The following EFCAB11 variants were observed in gnomAD, a reference collection of about 807,000 sequenced individuals.
EFCAB11 encodes the protein EF-hand calcium-binding domain-containing protein 11.
In EFCAB11, 14 loss-of-function variants were observed where a neutral mutation model predicts 23.0. That is an observed-to-expected ratio of 0.61 (90% CI 0.40 to 0.95). EFCAB11 has a LOEUF of 0.95. Ranked by LOEUF, EFCAB11 falls within the 40% of genes least tolerant of loss-of-function variation. The pLI, the probability that EFCAB11 is intolerant of heterozygous loss-of-function variation, is 0.00. For missense variants in EFCAB11, 198 were observed against 195.8 expected (o/e 1.01, Z -0.07); for synonymous variants, 65 against 66.6 (o/e 0.98, Z 0.11).
chr14:89,838,706 A>G lies in EFCAB11; in HGVS notation c.411-41382T>C, dbSNP rs61074649. The stretch of plus-strand genomic sequence containing the variant: ...TTTGCTTCCACCAAAACCCTACAGC[A>G]ACATCATACTAAATGGTGAGACTTT... On this transcript the variant is annotated intron_variant, in intron 5 of 5. Transcript: ENST00000316738. Among the ~76,000 whole-genome samples, 20 of 152,364 alleles carry G rather than the reference A, an allele frequency of 1.3e-4. No homozygotes were observed. The East Asian group carries it at 3.1e-3, about 23-fold the overall frequency.
chr14:89,953,236 C>A (rs981422147), intron 2 of EFCAB11, among the ~76,000 whole-genome samples: 1 of 149,828 alleles, frequency 6.7e-6, no homozygotes, highest in Admixed American at 6.6e-5. Context: ...ACCTATATAA[C>A]CCCAGACAGG....
intron 5 of EFCAB11, among the ~76,000 whole-genome samples, chr14:89,879,644 G>C (rs1356528768): frequency 2.0e-5 from 3 of 152,086 alleles, no homozygotes; most frequent in Non-Finnish European, 4.4e-5. Context: ...AGAAGACTAA[G>C]AGCATACTTT....
At chr14:89,922,684 A>G (rs1266168214) in intron 5 of EFCAB11, among the ~76,000 whole-genome samples, 2 of 152,204 alleles carry the variant, frequency 1.3e-5, no homozygotes, top group Non-Finnish European at 2.9e-5. Flanking sequence ...CATCTATTCA[A>G]GACCTACAAA....
At chr14:89,942,227 A>G (rs1180651027) in intron 3 of EFCAB11, among the ~76,000 whole-genome samples, 2 of 152,170 alleles carry the variant, frequency 1.3e-5, no homozygotes, top group African/African-American at 4.8e-5. Context: ...CAGTGTGAAA[A>G]TGGACTAATA....
intron 5 of EFCAB11, among the ~76,000 whole-genome samples, chr14:89,892,751 A>C (rs1454872046): frequency 6.6e-6 from 1 of 151,996 alleles, no homozygotes; most frequent in African/African-American, 2.4e-5. Context: ...AAAATACAAA[A>C]ATTAGCCAGG....
intron 5 of EFCAB11, among the ~76,000 whole-genome samples, chr14:89,821,147 C>T (rs979650603): frequency 6.6e-6 from 1 of 152,114 alleles, no homozygotes; most frequent in African/African-American, 2.4e-5. Flanking sequence ...CACCTGTGAA[C>T]CACTGTGCTG....
intron 2 of EFCAB11, 90 bp from the exon 3 acceptor site, chr14:89,950,232 A>G: frequency 7.4e-7 from 1 of 1,348,902 alleles, no homozygotes; most frequent in Non-Finnish European, 9.9e-7. Context: ...ATAAGGATCT[A>G]TTTTATGAGA....
intron 5 of EFCAB11, among the ~76,000 whole-genome samples, chr14:89,832,449 A>G (rs940788904): frequency 1.3e-5 from 2 of 152,202 alleles, no homozygotes; most frequent in African/African-American, 4.8e-5. Flanking sequence ...CCAGTTTGCC[A>G]TAAGCTCTAC....
In EFCAB11 at chr14:89,812,952, A is replaced by G. The variant is rs184622199; in HGVS notation, c.411-15628T>C. On this transcript the variant is annotated intron_variant, in intron 5 of 5. Coordinates refer to ENST00000316738, the MANE Select transcript of EFCAB11 (RefSeq NM_145231.4). ...TCAAAAATTATAATAAAAGAAAACA[A>G]TAAGCTGGAAAAACAGTTGTAATAA... Among the ~76,000 whole-genome samples the G allele has an allele frequency of 1.6e-3, 248 of 152,320 alleles. 4 individuals carry two copies. Among genetic ancestry groups the G allele is most frequent in the Non-Finnish European group, 1.2e-4 (8 of 68,026 alleles).
chr14:89,850,066 C>A (rs1454067146), intron 5 of EFCAB11, among the ~76,000 whole-genome samples: 1 of 152,098 alleles, frequency 6.6e-6, no homozygotes, highest in Non-Finnish European at 1.5e-5. Context: ...GCCACATGTT[C>A]CTCTCCTCCC....
At chr14:89,904,839 T>C (rs1181015769) in intron 5 of EFCAB11, among the ~76,000 whole-genome samples, 1 of 152,222 alleles carries the variant, frequency 6.6e-6, no homozygotes, top group Non-Finnish European at 1.5e-5. Context: ...TTCTTGTAAA[T>C]TTCTTTAAGT....
At position 89,880,631 on chromosome 14, in the gene EFCAB11, A is replaced by C. The variant is rs370761695; in HGVS notation, c.410+50910T>G. 4.7e-4 allele frequency among the ~76,000 whole-genome samples: 72 copies of C among 152,342 alleles called. No individual in the cohort carries two copies. In the South Asian group the frequency reaches 0.014, roughly 29 times the overall value. ...ATGAAATCGAAATAAAATAGAAAAA[A>C]TAAATACTAATTACTTCACAGAAAA... On this transcript the variant is annotated intron_variant, in intron 5 of 5. Transcript: ENST00000316738.
chr14:89,923,805 G>A, intron 5 of EFCAB11: 1 of 985,390 alleles, frequency 1.0e-6, no homozygotes, highest in Non-Finnish European at 1.2e-6. Flanking sequence ...TGTTAGAGAT[G>A]GACCAGGAAA....
intron 3 of EFCAB11, among the ~76,000 whole-genome samples, chr14:89,943,374 A>G (rs1177719855): frequency 2.0e-5 from 3 of 151,358 alleles, no homozygotes; most frequent in South Asian, 4.2e-4. Context: ...CCCCCTGAGT[A>G]GCTGGGACTG....
At chr14:89,871,423 T>C (rs1242313359) in intron 5 of EFCAB11, among the ~76,000 whole-genome samples, 54 of 152,150 alleles carry the variant, frequency 3.5e-4, no homozygotes, top group Admixed American at 3.5e-3. Context: ...TTTCAATGGG[T>C]GGACCTGGGG....
intron 5 of EFCAB11, among the ~76,000 whole-genome samples, chr14:89,875,699 T>C (rs1255154250): frequency 1.3e-5 from 2 of 152,110 alleles, no homozygotes; most frequent in African/African-American, 2.4e-5. Context: ...TGAGGGGTCA[T>C]TGAGGATACC....
At chr14:89,850,153 G>C (rs1171416453) in intron 5 of EFCAB11, among the ~76,000 whole-genome samples, 2 of 152,182 alleles carry the variant, frequency 1.3e-5, no homozygotes, top group African/African-American at 4.8e-5. Context: ...TCACATTCCT[G>C]AATGTGTCAT....
chr14:89,846,995 A>C (rs1049613516), intron 5 of EFCAB11, among the ~76,000 whole-genome samples: 1 of 152,170 alleles, frequency 6.6e-6, no homozygotes, highest in African/African-American at 2.4e-5. Flanking sequence ...TATGTCTTAA[A>C]TATCTCCCTG....
At chr14:89,898,359 G>A (rs1031525554) in intron 5 of EFCAB11, among the ~76,000 whole-genome samples, 1 of 137,334 alleles carries the variant, frequency 7.3e-6, no homozygotes, top group African/African-American at 3.2e-5. Context: ...TCTCGTTTTT[G>A]TTTTTGTTTT....
Sources: gnomAD v4.1 joint callset for allele counts (sites outside exome capture counted in the v4.1 genomes callset) on GRCh38, gnomAD v4.1.1 for gene constraint, MANE v1.5 for transcripts, NCBI Gene and HGNC (gene_info 2026-07-23, HGNC 2026-07-21) for gene names.